RAB3C: variants seen among roughly 807,000 people sequenced by gnomAD.
RAB3C encodes RAB3C, member RAS oncogene family.
A neutral mutation model predicts 26.4 loss-of-function variants in RAB3C; 17 were observed. That is an observed-to-expected ratio of 0.64 (90% CI 0.44 to 0.97). The LOEUF is 0.97. RAB3C is among the 50% of genes least tolerant of loss of function. The pLI is 0.00. For missense variants in RAB3C, 242 were observed against 281.9 expected (o/e 0.86, Z 1.01); for synonymous variants, 91 against 95.9 (o/e 0.95, Z 0.30).
intron 3 of RAB3C, among the ~76,000 whole-genome samples, chr5:58,766,458 G>A (rs956952568): frequency 2.5e-4 from 38 of 152,106 alleles, no homozygotes; most frequent in African/African-American, 8.9e-4. Context: ...TAATACATAC[G>A]GAAATAAAGT....
intron 3 of RAB3C, among the ~76,000 whole-genome samples, chr5:58,800,378 G>A (rs944303842): frequency 6.6e-6 from 1 of 152,206 alleles, no homozygotes; most frequent in African/African-American, 2.4e-5. Flanking sequence ...CAGTAAGCTA[G>A]TGGTGTCATT....
chr5:58,610,515 T>C (rs572397344), intron 1 of RAB3C, among the ~76,000 whole-genome samples: 19 of 152,238 alleles, frequency 1.2e-4, no homozygotes, highest in African/African-American at 4.6e-4. Context: ...TTGAGTATGT[T>C]TTTTGTTTGC....
intron 1 of RAB3C, among the ~76,000 whole-genome samples, chr5:58,597,463 A>C (rs1244383975): frequency 1.7e-5 from 2 of 120,280 alleles, no homozygotes; most frequent in African/African-American, 6.1e-5. Context: ...TACATAGTAC[A>C]TTATATATAA....
chr5:58,823,755 C>CT (rs745966615), intron 3 of RAB3C: 3 of 153,828 alleles, frequency 2.0e-5, no homozygotes, highest in African/African-American at 2.4e-5. Flanking sequence ...AAACAATAAA[C>CT]TTTTTTTATT....
chr5:58,603,049 CT>C (rs1255759124), intron 1 of RAB3C, among the ~76,000 whole-genome samples: 1 of 152,106 alleles, frequency 6.6e-6, no homozygotes, highest in Non-Finnish European at 1.5e-5. Context: ...CTGAATATGA[CT>C]GTATCTTTCC....
intron 2 of RAB3C, among the ~76,000 whole-genome samples, chr5:58,721,922 C>A (rs930065284): frequency 2.0e-5 from 3 of 151,384 alleles, no homozygotes; most frequent in Non-Finnish European, 4.4e-5. Flanking sequence ...TACGTACTAT[C>A]TGAAAGCTTC....
At chr5:58,771,553 G>A (rs1343282216) in intron 3 of RAB3C, among the ~76,000 whole-genome samples, 1 of 152,034 alleles carries the variant, frequency 6.6e-6, no homozygotes, top group African/African-American at 2.4e-5. Context: ...ATAGGCAAGA[G>A]AAGCAATTAG....
chr5:58,675,586 G>C (rs182178965), intron 2 of RAB3C, among the ~76,000 whole-genome samples: 1 of 148,732 alleles, frequency 6.7e-6, no homozygotes, highest in East Asian at 2.0e-4. Context: ...CCAACACAGC[G>C]TCAGCATCTC....
At chr5:58,583,000 G>A (rs746210898), upstream of RAB3C, 289 of 1,360,258 alleles carry the variant, frequency 2.1e-4, no homozygotes, top group Non-Finnish European at 2.6e-4. Context: ...CACCCGGAGG[G>A]CGAGACTACA....
intron 2 of RAB3C, among the ~76,000 whole-genome samples, chr5:58,668,420 G>A (rs1748043896): frequency 6.6e-6 from 1 of 152,142 alleles, no homozygotes; most frequent in African/African-American, 2.4e-5. Flanking sequence ...ATATCAGACT[G>A]AAATTCTAGT....
Position 58,584,689 on chromosome 5 carries a change from T to G in RAB3C, c.24+1457T>G, listed in dbSNP as rs187739113. Among the ~76,000 whole-genome samples, 92 of 152,310 alleles carry G rather than the reference T, an allele frequency of 6.0e-4. 1 individual carries two copies. Among genetic ancestry groups the G allele is most frequent in the African/African-American group, 2.1e-3 (88 of 41,584 alleles). On this transcript the variant is annotated intron_variant, in intron 1 of 4. Coordinates refer to ENST00000282878, the MANE Select transcript of RAB3C (RefSeq NM_138453.4). ...CTATGTATATGTATATTAAAACATG[T>G]ACATCTTAAATTTACACAATAAAAA...
At chr5:58,629,471 C>T (rs945549642) in intron 2 of RAB3C, among the ~76,000 whole-genome samples, 1 of 152,182 alleles carries the variant, frequency 6.6e-6, no homozygotes, top group South Asian at 2.1e-4. Flanking sequence ...AGTTTTTAAG[C>T]TTCCTATCTT....
intron 2 of RAB3C, among the ~76,000 whole-genome samples, chr5:58,627,413 C>G: frequency 1.3e-5 from 1 of 79,596 alleles, no homozygotes; most frequent in African/African-American, 5.3e-5. Flanking sequence ...TGCAGTGAGC[C>G]GAGATTGCGC....
At chr5:58,612,310 A>G (rs1286037344) in intron 1 of RAB3C, among the ~76,000 whole-genome samples, 1 of 151,696 alleles carries the variant, frequency 6.6e-6, no homozygotes, top group Non-Finnish European at 1.5e-5. Context: ...TGAATCTATA[A>G]ATTGCTTTGG....
intron 1 of RAB3C, among the ~76,000 whole-genome samples, chr5:58,615,752 A>G (rs1746811381): frequency 6.6e-6 from 1 of 152,178 alleles, no homozygotes; most frequent in Non-Finnish European, 1.5e-5. Flanking sequence ...TAGACTTAAA[A>G]AGAGAAATGC....
chr5:58,666,400 G>A (rs1325504988), intron 2 of RAB3C, among the ~76,000 whole-genome samples: 1 of 152,160 alleles, frequency 6.6e-6, no homozygotes, highest in Non-Finnish European at 1.5e-5. Context: ...GTTTTGCCAA[G>A]TGTTTATATT....
intron 4 of RAB3C, among the ~76,000 whole-genome samples, chr5:58,849,036 C>T (rs1254710405): frequency 6.6e-6 from 1 of 152,164 alleles, no homozygotes; most frequent in African/African-American, 2.4e-5. Flanking sequence ...ATTTTACTGA[C>T]CTCAAATTGT....
At chr5:58,648,851 TG>T (rs1747582555) in intron 2 of RAB3C, among the ~76,000 whole-genome samples, 1 of 152,142 alleles carries the variant, frequency 6.6e-6, no homozygotes, top group Admixed American at 6.5e-5. Flanking sequence ...GATTTTCTCC[TG>T]GGGGACAGTT....
chr5:58,744,945 G>C (rs1272402934), intron 3 of RAB3C, among the ~76,000 whole-genome samples: 1 of 152,022 alleles, frequency 6.6e-6, no homozygotes, highest in Non-Finnish European at 1.5e-5. Context: ...TAGTGCCCTG[G>C]TCACCAGGCC....
Sources: gnomAD v4.1 joint callset for allele counts (sites outside exome capture counted in the v4.1 genomes callset) on GRCh38, gnomAD v4.1.1 for gene constraint, MANE v1.5 for transcripts, NCBI Gene and HGNC (gene_info 2026-07-23, HGNC 2026-07-21) for gene names.